HMCN1: variants seen among roughly 807,000 people sequenced by gnomAD.
HMCN1 encodes the protein hemicentin-1.
A neutral mutation model predicts 625.9 loss-of-function variants in HMCN1; 321 were observed. The ratio of observed to expected loss-of-function variants is 0.51; its 90% CI spans 0.47 to 0.56. The LOEUF is 0.56. Ranked by LOEUF, HMCN1 falls within the 20% of genes least tolerant of loss-of-function variation. The probability of loss-of-function intolerance (pLI) is 0.00; values close to 1 mark genes in which losing one functional copy is unlikely to be tolerated. For synonymous variants in HMCN1, 2,425 were observed against 2,417.6 expected, an observed-to-expected ratio of 1.00 and a Z score of -0.09; for missense variants, 6,588 against 6,887.3, an observed-to-expected ratio of 0.96 and a Z score of 1.54.
intron 11 of HMCN1, among the ~76,000 whole-genome samples, chr1:185,953,084 C>T (rs886124539): frequency 6.6e-6 from 1 of 150,806 alleles, no homozygotes; most frequent in Non-Finnish European, 1.5e-5. Flanking sequence ...TTGAGGGGTA[C>T]TTGCCCCTCC....
intron 25 of HMCN1, among the ~76,000 whole-genome samples, chr1:185,998,015 C>A (rs1652928059): frequency 2.6e-5 from 4 of 152,218 alleles, no homozygotes; most frequent in Non-Finnish European, 5.9e-5. Context: ...GAGGTTTATT[C>A]AAGCCCTTCC....
chr1:186,144,734 T>C (rs745336840), intron 91 of HMCN1, 31 bp downstream of exon 91: 2 of 1,610,842 alleles, frequency 1.2e-6, no homozygotes. Flanking sequence ...GTCAACATTA[T>C]ACTTTCATAA....
At chr1:186,017,590 G>C (rs1654447687) in intron 33 of HMCN1, among the ~76,000 whole-genome samples, 1 of 151,954 alleles carries the variant, frequency 6.6e-6, no homozygotes, top group Admixed American at 6.6e-5. Flanking sequence ...TGAAGGAAAT[G>C]AGATAGGTTC....
chr1:185,975,402 G>A (rs1445761353), intron 15 of HMCN1, among the ~76,000 whole-genome samples: 1 of 152,084 alleles, frequency 6.6e-6, no homozygotes, highest in Non-Finnish European at 1.5e-5. Context: ...TACATGGCCA[G>A]AGCAGAAGGA....
chr1:186,142,823 G>T (rs777106096), intron 89 of HMCN1, among the ~76,000 whole-genome samples: 27 of 152,126 alleles, frequency 1.8e-4, no homozygotes, highest in Non-Finnish European at 3.2e-4. Context: ...TTACCCAATT[G>T]TTAACCCTCC....
rs758643778 is a variant in HMCN1 at position 186,082,959 on chromosome 1, A to G, written c.8882A>G (p.His2961Arg). 6 of 1,575,854 alleles carry G rather than the reference A, an allele frequency of 3.8e-6. No homozygotes were observed. The highest frequency in any genetic ancestry group is 1.7e-4 in the Middle Eastern group (1 of 5,968). ...AAAAAATATTTTAACCTCAATGTTC[A>G]TGGTAAGAGCTCAGTTCCAAAACCA... ...SAKKYFNLNVHVPPSVIGPKS... is the reference protein window; with the variant it reads ...SAKKYFNLNVRVPPSVIGPKS... The change falls in exon 57 of 107, where the codon CAT becomes CGT. Residue 2961 changes from histidine to arginine, a missense_variant and splice_region_variant. Around this residue, in one of 3 missense-constraint regions of HMCN1, gnomAD observed 4,628 missense variants for 4,853.1 expected, o/e 0.95. Coordinates refer to ENST00000271588, the MANE Select transcript of HMCN1 (RefSeq NM_031935.3).
chr1:185,911,648 T>C, intron 5 of HMCN1, 26 bp from the exon 6 acceptor site: 1 of 1,479,072 alleles, frequency 6.8e-7, no homozygotes, highest in Non-Finnish European at 9.5e-7. Context: ...GGATTGTGCT[T>C]GTTACCTTTA....
chr1:185,984,914 T>C (rs1311370635), intron 19 of HMCN1, among the ~76,000 whole-genome samples: 2 of 152,192 alleles, frequency 1.3e-5, no homozygotes, highest in African/African-American at 2.4e-5. Context: ...AATATACTTT[T>C]TAAAGACTCT....
intron 21 of HMCN1, among the ~76,000 whole-genome samples, 195 bp downstream of exon 21, chr1:185,989,842 C>T (rs1452346371): frequency 7.2e-6 from 1 of 138,072 alleles, no homozygotes; most frequent in Non-Finnish European, 1.5e-5. Context: ...TACTTAGATT[C>T]TGATTTTAAG....
chr1:186,153,983 C>T lies in HMCN1; in HGVS notation c.15252C>T (p.Ser5084=). The T allele has an allele frequency of 1.2e-6, 2 of 1,607,756 alleles. No individual in the cohort carries two copies. The highest frequency in any genetic ancestry group is 1.7e-6 in the Non-Finnish European group (2 of 1,174,368). Reference sequence around the variant, plus strand: ...GTTTTAAAATTCATGCTTCAATATCCAAAGGTAATTTGATAAAAGAAAATC... The same window carrying T: ...GTTTTAAAATTCATGCTTCAATATCTAAAGGTAATTTGATAAAAGAAAATC... ...TLGFKIHASI[S]KGDRSNQCPS... Residue 5084 remains serine (S), a synonymous_variant, in exon 97 of 107, where the codon TCC becomes TCT. Transcript: ENST00000271588.
At chr1:186,156,809 AT>A (rs1485071332) in intron 97 of HMCN1, among the ~76,000 whole-genome samples, 1 of 152,198 alleles carries the variant, frequency 6.6e-6, no homozygotes, top group Non-Finnish European at 1.5e-5. Flanking sequence ...AATAGGAAAT[AT>A]TTAGCTCATT....
intron 1 of HMCN1, among the ~76,000 whole-genome samples, chr1:185,785,303 G>A (rs759582141): frequency 3.0e-4 from 45 of 152,204 alleles, no homozygotes; most frequent in Non-Finnish European, 2.4e-4. Context: ...CTTCTCTGGT[G>A]TATGTAGGAG....
At chr1:186,166,115 T>A in intron 98 of HMCN1, 69 bp from the exon 99 acceptor site, 1 of 1,577,296 alleles carries the variant, frequency 6.3e-7, no homozygotes, top group South Asian at 1.1e-5. Context: ...TTATTTTTAC[T>A]GGCTTTAATA....
chr1:185,766,285 A>C (rs898380619), intron 1 of HMCN1, among the ~76,000 whole-genome samples: 13 of 152,144 alleles, frequency 8.5e-5, no homozygotes, highest in African/African-American at 1.2e-4. Context: ...CCAAAATCTC[A>C]GAAGAAAATG....
rs564629913 is a variant in HMCN1, at chr1:186,159,673, A to T, written c.15257-5438A>T. On this transcript the variant is annotated intron_variant, in intron 97 of 106. Transcript: ENST00000271588. ...AAAGGCCTTTTCTGCATCTATTGAG[A>T]TAATCATGTGGTTTTTGTCTTTGGT... is the stretch of plus-strand genomic sequence containing the variant. 2.0e-5 allele frequency among the ~76,000 whole-genome samples: 3 copies of T among 152,314 alleles called. No individual in the cohort carries two copies. The South Asian group carries it at 6.2e-4, about 32-fold the overall frequency.
At chr1:185,856,111 G>C (rs530436401) in intron 2 of HMCN1, among the ~76,000 whole-genome samples, 65 of 152,236 alleles carry the variant, frequency 4.3e-4, no homozygotes, top group African/African-American at 1.5e-3. Flanking sequence ...GTAATTTAAT[G>C]GTTTTCACAT....
At chr1:186,002,829 A>G (rs757649480) in intron 28 of HMCN1, among the ~76,000 whole-genome samples, 1 of 151,918 alleles carries the variant, frequency 6.6e-6, no homozygotes, top group Admixed American at 6.6e-5. Flanking sequence ...ACCTCCATCC[A>G]CTCACTTGGT....
intron 86 of HMCN1, among the ~76,000 whole-genome samples, chr1:186,134,906 T>C (rs116813329): frequency 0.013 from 1,929 of 152,288 alleles, 27 homozygotes; most frequent in African/African-American, 0.039. Flanking sequence ...ACCTTTCTTA[T>C]TTTAGGATTT....
chr1:186,114,035 A>G lies in HMCN1; in HGVS notation c.11188A>G (p.Thr3730Ala). ...CCTTGTAATTCTTTTAAATAAGTCAACTGTATTGGAATGCATCGCTGAAGG... is the reference window on the plus strand; with the variant it reads ...CCTTGTAATTCTTTTAAATAAGTCAGCTGTATTGGAATGCATCGCTGAAGG... ...QSLVILLNKS[T>A]VLECIAEGVP... Residue 3730 changes from threonine to alanine, a missense_variant, in exon 73 of 107, where the codon ACT becomes GCT. Transcript: ENST00000271588. 6.2e-7 allele frequency: 1 copy of G among 1,614,188 alleles called. No homozygotes were observed. The highest frequency in any genetic ancestry group is 8.5e-7 in the Non-Finnish European group (1 of 1,180,006).
Sources: allele counts gnomAD v4.1 joint callset (sites outside exome capture counted in the v4.1 genomes callset), GRCh38; gene constraint gnomAD v4.1.1; regional missense constraint gnomAD v4.1.1; transcripts MANE v1.5; gene names NCBI Gene and HGNC (gene_info 2026-07-23, HGNC 2026-07-21).